Variants in ZNF609 observed in about 807,000 individuals in gnomAD.
ZNF609 encodes zinc finger protein 609.
ZNF609 carries 11 observed loss-of-function variants against 109.5 expected under a neutral mutation model. The ratio of observed to expected loss-of-function variants is 0.10; its 90% CI spans 0.06 to 0.17. The LOEUF is 0.17. Ranked by LOEUF, ZNF609 falls within the 10% of genes least tolerant of loss-of-function variation. ZNF609 has a pLI of 1.00. For missense variants in ZNF609, 1,559 were observed against 1,772.4 expected (o/e 0.88, Z 2.16); for synonymous variants, 646 against 662.0 (o/e 0.98, Z 0.37).
chr15:64,521,579 T>G (rs1893891586), intron 2 of ZNF609, among the ~76,000 whole-genome samples: 1 of 152,232 alleles, frequency 6.6e-6, no homozygotes, highest in African/African-American at 2.4e-5. Flanking sequence ...CCTATTAATA[T>G]TCTGCTGCCA....
intron 2 of ZNF609, among the ~76,000 whole-genome samples, chr15:64,519,841 A>G (rs540728656): frequency 2.0e-5 from 3 of 152,332 alleles, no homozygotes; most frequent in Admixed American, 6.5e-5. Context: ...CATTTAATAT[A>G]TATAGGATCT....
chr15:64,547,535 CTG>C (rs774034152), intron 2 of ZNF609, among the ~76,000 whole-genome samples: 1 of 152,162 alleles, frequency 6.6e-6, no homozygotes, highest in Non-Finnish European at 1.5e-5. Context: ...AAAGTAGGCC[CTG>C]TGCTCTAAAG....
chr15:64,510,211 T>TC (rs1483684458), intron 2 of ZNF609, among the ~76,000 whole-genome samples: 5 of 150,620 alleles, frequency 3.3e-5, no homozygotes, highest in East Asian at 3.9e-4. Flanking sequence ...TTTTCTTTTT[T>TC]TTTTTTTTTA....
At chr15:64,602,716 CTTTTTTTTTTTTT>C (rs10600561) in intron 2 of ZNF609, among the ~76,000 whole-genome samples, 1 of 55,572 alleles carries the variant, frequency 1.8e-5, no homozygotes, top group Non-Finnish European at 3.2e-5. Flanking sequence ...TTTTTTCTTT[CTTTTTTTTTTTTT>C]TTTTTTTTTT....
At chr15:64,666,890 A>T (rs1896656573) in intron 3 of ZNF609, among the ~76,000 whole-genome samples, 1 of 151,870 alleles carries the variant, frequency 6.6e-6, no homozygotes, top group African/African-American at 2.4e-5. Context: ...CACTTTGGGG[A>T]GGCCGAGGCG....
intron 2 of ZNF609, among the ~76,000 whole-genome samples, chr15:64,556,706 T>C (rs539067772): frequency 1.3e-5 from 2 of 152,328 alleles, no homozygotes; most frequent in Admixed American, 6.5e-5. Context: ...GTTAACACCA[T>C]GTTGACCAGT....
At chr15:64,616,124 T>C (rs1311054522) in intron 2 of ZNF609, among the ~76,000 whole-genome samples, 1 of 152,082 alleles carries the variant, frequency 6.6e-6, no homozygotes, top group Non-Finnish European at 1.5e-5. Context: ...GTCTCCCAAG[T>C]AGCTGGGACT....
intron 1 of ZNF609, among the ~76,000 whole-genome samples, chr15:64,497,489 A>G (rs1364962796): frequency 6.6e-6 from 1 of 152,090 alleles, no homozygotes; most frequent in Non-Finnish European, 1.5e-5. Context: ...AAAAAAGTAC[A>G]ATTTGTCTTG....
intron 2 of ZNF609, among the ~76,000 whole-genome samples, chr15:64,521,844 C>CTGGA (rs1448627092): frequency 6.6e-6 from 1 of 152,170 alleles, no homozygotes; most frequent in Non-Finnish European, 1.5e-5. Context: ...AGCTGTGCCA[C>CTGGA]TGGATCCCTG....
At chr15:64,593,304 G>A (rs979916196) in intron 2 of ZNF609, 42 of 1,413,344 alleles carry the variant, frequency 3.0e-5, no homozygotes, top group South Asian at 2.5e-4. Flanking sequence ...GCTGCCCCAC[G>A]TCCCCCACCA....
chr15:64,672,258 C>T (rs1189518686), intron 4 of ZNF609, among the ~76,000 whole-genome samples: 25 of 149,766 alleles, frequency 1.7e-4, no homozygotes, highest in Non-Finnish European at 2.7e-4. Context: ...GTGATCCTCC[C>T]GCCTCGGCCT....
chr15:64,532,514 C>A (rs1009302721), intron 2 of ZNF609, among the ~76,000 whole-genome samples: 1 of 152,150 alleles, frequency 6.6e-6, no homozygotes, highest in South Asian at 2.1e-4. Flanking sequence ...CTGATGTGAG[C>A]CTCAGTTGAC....
intron 2 of ZNF609, among the ~76,000 whole-genome samples, chr15:64,589,752 A>G (rs1307339527): frequency 2.0e-5 from 3 of 152,196 alleles, no homozygotes; most frequent in African/African-American, 7.2e-5. Flanking sequence ...CTTCTCAGGA[A>G]TATACTTTTT....
At chr15:64,644,598 T>A (rs1312976213) in intron 3 of ZNF609, among the ~76,000 whole-genome samples, 1 of 152,226 alleles carries the variant, frequency 6.6e-6, no homozygotes, top group Non-Finnish European at 1.5e-5. Flanking sequence ...AGCTTCTGCC[T>A]TGATATGTGA....
chr15:64,473,910 G>GATTACAGGCGCCTGTC (rs1166075904), intron 1 of ZNF609, among the ~76,000 whole-genome samples: 108 of 152,106 alleles, frequency 7.1e-4, no homozygotes, highest in African/African-American at 2.4e-3. Context: ...GAGTAGCTGT[G>GATTACAGGCGCCTGTC]ATTACAGGCG....
chr15:64,583,510 G>A (rs2140428953), intron 2 of ZNF609, among the ~76,000 whole-genome samples: 1 of 152,208 alleles, frequency 6.6e-6, no homozygotes, highest in South Asian at 2.1e-4. Flanking sequence ...CCACCTTCCA[G>A]CATCTGTAGG....
chr15:64,576,875 T>C (rs1485540813), intron 2 of ZNF609, among the ~76,000 whole-genome samples: 1 of 140,872 alleles, frequency 7.1e-6, no homozygotes, highest in Non-Finnish European at 1.5e-5. Flanking sequence ...TTAAGAATCA[T>C]ATATATACAC....
intron 2 of ZNF609, among the ~76,000 whole-genome samples, chr15:64,564,110 T>A (rs1894734957): frequency 6.6e-6 from 1 of 151,374 alleles, no homozygotes; most frequent in South Asian, 2.1e-4. Context: ...TCCCACCCTG[T>A]CCCACCCAGG....
intron 1 of ZNF609, among the ~76,000 whole-genome samples, chr15:64,482,184 A>G (rs964316230): frequency 6.6e-5 from 10 of 152,248 alleles, no homozygotes; most frequent in African/African-American, 2.4e-4. Flanking sequence ...GAATGAAAAC[A>G]TTAGAGAATT....
Sources: allele counts gnomAD v4.1 joint callset (sites outside exome capture counted in the v4.1 genomes callset), GRCh38; gene constraint gnomAD v4.1.1; transcripts MANE v1.5; gene names NCBI Gene and HGNC (gene_info 2026-07-23, HGNC 2026-07-21).